Variants in ABCC2 observed in about 807,000 individuals in gnomAD.
The protein encoded by ABCC2 is ATP binding cassette subfamily C member 2, also known as ATP-binding cassette sub-family C member 2.
A neutral mutation model predicts 173.4 loss-of-function variants in ABCC2; 157 were observed. That is an observed-to-expected ratio of 0.91 (90% CI 0.80 to 1.03). The LOEUF is 1.03. Ranked by LOEUF, ABCC2 falls within the 50% of genes least tolerant of loss-of-function variation. The pLI, the probability that ABCC2 is intolerant of heterozygous loss-of-function variation, is 0.00. For synonymous variants in ABCC2, 657 were observed against 693.5 expected (o/e 0.95, Z 0.83); for missense variants, 1,822 against 1,852.3 (o/e 0.98, Z 0.30).
intron 6 of ABCC2, among the ~76,000 whole-genome samples, chr10:99,796,149 G>T: frequency 6.6e-6 from 1 of 152,096 alleles, no homozygotes; most frequent in East Asian, 1.9e-4. Context: ...GATCACTTGA[G>T]GTCAGGAGTT....
At position 99,782,856 on chromosome 10, in the gene ABCC2, G is replaced by C; in HGVS notation, c.12G>C (p.Lys4Asn). Reference sequence around the variant, plus strand: ...GCAGTCCAGGAATCATGCTGGAGAAGTTCTGCAACTCTACTTTTTGGGTGA... The same window carrying C: ...GCAGTCCAGGAATCATGCTGGAGAACTTCTGCAACTCTACTTTTTGGGTGA... MLE[K>N]FCNSTFWNSS... The change falls in exon 1 of 32, where the codon AAG (lysine) becomes AAC (asparagine). Residue 4 changes from lysine to asparagine, a missense_variant. Coordinates refer to ENST00000647814, the MANE Select transcript of ABCC2 (RefSeq NM_000392.5). 1 of 1,614,094 alleles carries C rather than the reference G, an allele frequency of 6.2e-7. No homozygotes were observed. Among genetic ancestry groups the C allele is most frequent in the Non-Finnish European group, 8.5e-7 (1 of 1,179,996 alleles).
Position 99,834,429 on chromosome 10 carries a change from T to G in ABCC2, c.3308T>G (p.Ile1103Ser). The G allele has an allele frequency of 6.2e-7, 1 of 1,614,166 alleles. No individual in the cohort carries two copies. Among genetic ancestry groups the G allele is most frequent in the Non-Finnish European group, 8.5e-7 (1 of 1,180,022 alleles). The stretch of plus-strand genomic sequence containing the variant: ...CTGCCTCAGTCCTTGCGCAGCTGGA[T>G]TACATGCTTCCTGGGGATAATCAGC... ...DTLPQSLRSW[I>S]TCFLGIISTL... The change falls in exon 24 of 32, where the codon ATT becomes AGT. Residue 1103 changes from isoleucine to serine, a missense_variant. Coordinates refer to ENST00000647814, the MANE Select transcript of ABCC2 (RefSeq NM_000392.5).
intron 16 of ABCC2, among the ~76,000 whole-genome samples, chr10:99,814,451 GTA>G (rs1191404208): frequency 1.4e-5 from 1 of 71,242 alleles, no homozygotes; most frequent in Non-Finnish European, 2.6e-5. Flanking sequence ...ACATATGTGT[GTA>G]TATACATACA....
chr10:99,846,142 G>T (rs2039013828), intron 29 of ABCC2, among the ~76,000 whole-genome samples: 1 of 152,220 alleles, frequency 6.6e-6, no homozygotes, highest in Non-Finnish European at 1.5e-5. Context: ...CTCCCCATTT[G>T]CTATGGTTAA....
intron 31 of ABCC2, 46 bp downstream of exon 31, chr10:99,850,842 C>T (rs768328124): frequency 1.2e-6 from 2 of 1,602,252 alleles, no homozygotes; most frequent in South Asian, 2.2e-5. Context: ...TTAACCCTTG[C>T]TCAACAGTAA....
intron 13 of ABCC2, among the ~76,000 whole-genome samples, 200 bp from the exon 14 acceptor site, chr10:99,809,934 A>G (rs1270479112): frequency 6.6e-6 from 1 of 152,250 alleles, no homozygotes; most frequent in African/African-American, 2.4e-5. Context: ...GTTGAACTCC[A>G]TGAGTTTGCT....
chr10:99,783,127 C>G (rs1423468811), intron 1 of ABCC2, among the ~76,000 whole-genome samples: 1 of 152,152 alleles, frequency 6.6e-6, no homozygotes, highest in Non-Finnish European at 1.5e-5. Context: ...CGCAAAATTG[C>G]CTTCTCTAAA....
chr10:99,797,047 G>A (rs1388046084), intron 6 of ABCC2, 50 bp from the exon 7 acceptor site: 1 of 1,537,550 alleles, frequency 6.5e-7, no homozygotes, highest in Non-Finnish European at 9.0e-7. Context: ...GGTGGAGATA[G>A]CCTCTGACCC....
At chr10:99,793,404 C>T in intron 3 of ABCC2, 147 bp from the exon 4 acceptor site, 2 of 1,144,864 alleles carry the variant, frequency 1.7e-6, no homozygotes, top group Non-Finnish European at 2.6e-6. Flanking sequence ...TTCAACCTGG[C>T]ATCTGTGTGC....
intron 7 of ABCC2, among the ~76,000 whole-genome samples, 192 bp from the exon 8 acceptor site, chr10:99,799,015 T>G (rs569734283): frequency 2.6e-5 from 4 of 152,258 alleles, no homozygotes; most frequent in South Asian, 2.1e-4. Context: ...TAAAATAGAT[T>G]ACAAGTATCA....
At chr10:99,813,876 A>G (rs1248281195) in intron 16 of ABCC2, among the ~76,000 whole-genome samples, 1 of 152,106 alleles carries the variant, frequency 6.6e-6, no homozygotes, top group African/African-American at 2.4e-5. Context: ...AACAGAAACA[A>G]TACCAACCAT....
In ABCC2 at chr10:99,832,064, T is replaced by C; in HGVS notation, c.3191T>C (p.Ile1064Thr). The change falls in exon 23 of 32, where the codon ATC (isoleucine) becomes ACC (threonine). Residue 1064 changes from isoleucine (I) to threonine (T), a missense_variant. Transcript: ENST00000647814. ...NILHKQLLNN[I>T]LRAPMRFFDT... ...TTGCACAAGCAACTGCTGAACAATATCCTTCGAGCACCTATGAGATTTTTT... is the reference window on the plus strand; with the variant it reads ...TTGCACAAGCAACTGCTGAACAATACCCTTCGAGCACCTATGAGATTTTTT... 1 of 1,614,234 alleles carries C rather than the reference T, an allele frequency of 6.2e-7. No individual in the cohort carries two copies. The highest frequency in any genetic ancestry group is 8.5e-7 in the Non-Finnish European group (1 of 1,180,032).
intron 17 of ABCC2, among the ~76,000 whole-genome samples, chr10:99,817,899 C>T (rs2038451677): frequency 6.6e-6 from 1 of 152,102 alleles, no homozygotes; most frequent in Admixed American, 6.6e-5. Context: ...TGTGAATTAT[C>T]TTTTGATGTT....
intron 9 of ABCC2, among the ~76,000 whole-genome samples, chr10:99,803,593 A>G (rs1011446255): frequency 3.9e-5 from 6 of 152,178 alleles, no homozygotes; most frequent in Admixed American, 2.0e-4. Flanking sequence ...CAGAGTTTAC[A>G]TCTAGTGGAG....
At position 99,810,768 on chromosome 10, in the gene ABCC2, T is replaced by C. The variant is rs1415283888; in HGVS notation, c.1900+550T>C. Among the ~76,000 whole-genome samples the C allele has an allele frequency of 2.6e-5, 4 of 152,300 alleles. No homozygotes were observed. The East Asian group carries it at 7.7e-4, about 29-fold the overall frequency. ...AGCCGGGTGCGGTGGCTCATGCCTG[T>C]AATCCCAGCATTTTGGAAGGCCGAG... On this transcript the variant is annotated intron_variant, in intron 14 of 31. Transcript: ENST00000647814.
Position 99,817,400 on chromosome 10 carries a change from G to A in ABCC2, c.2187G>A (p.Arg729=), listed in dbSNP as rs1282109388. 1 of 1,614,136 alleles carries A rather than the reference G, an allele frequency of 6.2e-7. No homozygotes were observed. Among genetic ancestry groups the A allele is most frequent in the Non-Finnish European group, 8.5e-7 (1 of 1,180,016 alleles). ...TTGGAACAGAGTTTAATGAAAAGAG[G>A]TACCAGCAAGTACTGGAGGCCTGTG... The part of the protein sequence containing the change: ...ILFGTEFNEK[R]YQQVLEACAL... Residue 729 remains arginine (R), a synonymous_variant, in exon 17 of 32, where the codon AGG becomes AGA. Transcript: ENST00000647814.
intron 6 of ABCC2, 124 bp downstream of exon 6, chr10:99,794,592 T>G (rs2132977893): frequency 1.1e-6 from 1 of 901,282 alleles, no homozygotes; most frequent in Admixed American, 2.1e-5. Context: ...TTGCCCAGGC[T>G]GGAGTGCAAT....
intron 10 of ABCC2, 57 bp downstream of exon 10, chr10:99,804,330 T>C (rs1344163842): frequency 7.5e-6 from 12 of 1,608,074 alleles, no homozygotes; most frequent in Admixed American, 1.7e-5. Context: ...AAACCCTTTT[T>C]CTTACTCTAC....
In ABCC2 at chr10:99,793,540, T is replaced by C; in HGVS notation, c.334-11T>C. 6.2e-7 allele frequency: 1 copy of C among 1,614,060 alleles called. No homozygotes were observed. Among genetic ancestry groups the C allele is most frequent in the East Asian group, 2.2e-5 (1 of 44,886 alleles). On this transcript the variant is annotated splice_polypyrimidine_tract_variant and intron_variant, in intron 3 of 31. Coordinates refer to ENST00000647814, the MANE Select transcript of ABCC2 (RefSeq NM_000392.5). ...AGTATTCTTCAGAACATCATGTGAA[T>C]TTCTCTCCAGCTCCTGGTTTTGCTG...
Sources: gnomAD v4.1 joint callset for allele counts (sites outside exome capture counted in the v4.1 genomes callset) on GRCh38, gnomAD v4.1.1 for gene constraint, MANE v1.5 for transcripts, NCBI Gene and HGNC (gene_info 2026-07-23, HGNC 2026-07-21) for gene names.